MLLT10: variants seen among roughly 807,000 people sequenced by gnomAD.
MLLT10 encodes the protein protein AF-10.
Under a neutral mutation model 129.1 loss-of-function variants are expected in MLLT10, and 30 were observed. The ratio of observed to expected loss-of-function variants is 0.23; its 90% CI spans 0.17 to 0.32. The LOEUF (loss-of-function observed/expected upper bound fraction) is 0.32. MLLT10 is among the 10% of genes least tolerant of loss of function. The pLI is 1.00. For synonymous variants in MLLT10, 490 were observed against 446.4 expected (o/e 1.10, Z -1.23); for missense variants, 1,119 against 1,268.3 (o/e 0.88, Z 1.79).
chr10:21,702,632 T>G (rs1047668748), intron 13 of MLLT10, among the ~76,000 whole-genome samples: 3 of 152,240 alleles, frequency 2.0e-5, no homozygotes. Context: ...ATATTTAGAA[T>G]TGTTATATCC....
chr10:21,545,676 G>A (rs1389627259), intron 3 of MLLT10, among the ~76,000 whole-genome samples: 1 of 152,180 alleles, frequency 6.6e-6, no homozygotes, highest in African/African-American at 2.4e-5. Context: ...ATTTTTGTAT[G>A]TATGTATTTA....
intron 3 of MLLT10, among the ~76,000 whole-genome samples, chr10:21,561,919 C>T (rs1240644923): frequency 1.3e-5 from 2 of 151,454 alleles, no homozygotes; most frequent in East Asian, 3.9e-4. Flanking sequence ...AATTCTCCTG[C>T]CTCAGCCTCC....
At chr10:21,607,612 C>T (rs1163277871) in intron 5 of MLLT10, among the ~76,000 whole-genome samples, 2 of 152,188 alleles carry the variant, frequency 1.3e-5, no homozygotes, top group Non-Finnish European at 2.9e-5. Flanking sequence ...TGAGCCACCC[C>T]TGGCTAGGTG....
At chr10:21,717,057 G>A (rs576169549) in intron 14 of MLLT10, among the ~76,000 whole-genome samples, 187 of 151,906 alleles carry the variant, frequency 1.2e-3, no homozygotes, top group Non-Finnish European at 1.9e-3. Context: ...AGGAGTTCGA[G>A]ACCAGCCTCA....
intron 2 of MLLT10, among the ~76,000 whole-genome samples, chr10:21,536,223 C>T (rs1323809012): frequency 6.6e-6 from 1 of 152,150 alleles, no homozygotes; most frequent in Non-Finnish European, 1.5e-5. Context: ...TTACCGGCGT[C>T]AGCCACTGCG....
At chr10:21,567,607 A>G (rs572253702) in intron 3 of MLLT10, among the ~76,000 whole-genome samples, 1 of 152,130 alleles carries the variant, frequency 6.6e-6, no homozygotes, top group Non-Finnish European at 1.5e-5. Context: ...TTTCTCTGAC[A>G]CTACCTGGTG....
At position 21,743,014 on chromosome 10, in the gene MLLT10, T is replaced by C. The variant is rs1446121502; in HGVS notation, c.*1031T>C. On this transcript the variant is annotated 3_prime_UTR_variant, in exon 23 of 23. Transcript: ENST00000307729. ...TAGAGATTTGTTTTATTTAAACCAC[T>C]TCCCATTACTGACCATTAAAAGCTC... 3 of 230,018 alleles carry C rather than the reference T, an allele frequency of 1.3e-5. No individual in the cohort carries two copies. In the East Asian group the frequency reaches 1.9e-4, roughly 14 times the overall value. 14.2% of individuals were successfully genotyped at this position (230,018 alleles called of 1,614,324 possible). A position where few individuals can be genotyped will look rare whatever the true frequency, so the allele number is the denominator to read the frequency against.
chr10:21,703,298 T>C (rs540003436), intron 13 of MLLT10, among the ~76,000 whole-genome samples: 116 of 152,168 alleles, frequency 7.6e-4, no homozygotes, highest in Non-Finnish European at 1.4e-3. Flanking sequence ...TTTTTTTTTT[T>C]TCCTTTCAGC....
rs2057646965 is a variant in MLLT10, at chr10:21,727,889, T to C, written c.2024T>C (p.Val675Ala). ...CTTGGAGACAATAGCCGCAACCTAG[T>C]TGGCAGAGGAAGCTCACCCCGAGGA... The part of the protein sequence containing the change: ...QDLGDNSRNL[V>A]GRGSSPRGSL... Residue 675 changes from valine (V) to alanine (A), a missense_variant, in exon 16 of 23, where the codon GTT (valine) becomes GCT (alanine). Physicochemically the swap from Val to Ala is moderately conservative, Grantham distance 64 (BLOSUM62 0). This residue lies in a region of MLLT10 where 1,004 missense variants were observed against 1,008.7 expected (regional missense o/e 1.00). Coordinates refer to ENST00000307729, the MANE Select transcript of MLLT10 (RefSeq NM_001195626.3). 2 of 1,613,966 alleles carry C rather than the reference T, an allele frequency of 1.2e-6. No individual in the cohort carries two copies. Among genetic ancestry groups the C allele is most frequent in the Non-Finnish European group, 1.7e-6 (2 of 1,179,998 alleles).
In MLLT10 at chr10:21,595,445, A is replaced by G. The variant is rs1381322459; in HGVS notation, c.405+5A>G. The G allele has an allele frequency of 2.5e-6, 4 of 1,597,066 alleles. No individual in the cohort carries two copies. The highest frequency in any genetic ancestry group is 1.1e-5 in the South Asian group (1 of 89,656). On this transcript the variant is annotated splice_donor_5th_base_variant and intron_variant, in intron 5 of 22. Coordinates refer to ENST00000307729, the MANE Select transcript of MLLT10 (RefSeq NM_001195626.3). ...CCGCATGATCGTTATAATAAGGTAC[A>G]GTGGATATTATTTTATTACTGTTTG...
At chr10:21,685,610 G>A (rs1056610133) in intron 13 of MLLT10, among the ~76,000 whole-genome samples, 5 of 152,152 alleles carry the variant, frequency 3.3e-5, no homozygotes, top group Admixed American at 1.3e-4. Flanking sequence ...CTAAAGTGCT[G>A]GGATTACAGG....
intron 11 of MLLT10, among the ~76,000 whole-genome samples, chr10:21,675,369 G>C (rs2051982474): frequency 6.6e-6 from 1 of 152,158 alleles, no homozygotes; most frequent in Admixed American, 6.5e-5. Flanking sequence ...TACAGGCCAA[G>C]AGCATCATCA....
intron 3 of MLLT10, among the ~76,000 whole-genome samples, chr10:21,551,076 G>A (rs1233240797): frequency 6.6e-6 from 1 of 151,466 alleles, no homozygotes; most frequent in Non-Finnish European, 1.5e-5. Context: ...ACAGGCACGC[G>A]CCACCACGCC....
At chr10:21,674,640 G>T (rs2051882694) in intron 11 of MLLT10, among the ~76,000 whole-genome samples, 1 of 152,118 alleles carries the variant, frequency 6.6e-6, no homozygotes, top group African/African-American at 2.4e-5. Context: ...AAAATGCAAT[G>T]CATGTTTTTA....
intron 8 of MLLT10, among the ~76,000 whole-genome samples, chr10:21,621,016 G>C (rs1369313911): frequency 5.3e-5 from 8 of 150,648 alleles, no homozygotes; most frequent in Admixed American, 2.0e-4. Context: ...ACGGAGTCTT[G>C]CTCTGTTGCC....
chr10:21,732,965 A>G lies in MLLT10; in HGVS notation c.2285A>G (p.Lys762Arg), dbSNP rs757866234. 1 of 1,614,074 alleles carries G rather than the reference A, an allele frequency of 6.2e-7. No homozygotes were observed. ...VENRRLEEQIKNLTAKKERLQ... is the reference protein window; with the variant it reads ...VENRRLEEQIRNLTAKKERLQ... Reference sequence around the variant, plus strand: ...AACCGAAGATTAGAGGAACAAATTAAAAACTTGACTGCCAAAAAGGAACGG... The same window carrying G: ...AACCGAAGATTAGAGGAACAAATTAGAAACTTGACTGCCAAAAAGGAACGG... The change falls in exon 18 of 23, where the codon AAA becomes AGA. Residue 762 changes from lysine to arginine, a missense_variant. Lys to Arg is a conservative substitution (Grantham distance 26, BLOSUM62 2). This residue lies in a region of MLLT10 where 1,004 missense variants were observed against 1,008.7 expected (regional missense o/e 1.00). Transcript: ENST00000307729.
intron 9 of MLLT10, among the ~76,000 whole-genome samples, chr10:21,669,320 T>C (rs1263951943): frequency 6.6e-6 from 1 of 152,192 alleles, no homozygotes; most frequent in East Asian, 1.9e-4. Flanking sequence ...TCTTCTCTTA[T>C]TCCTCTTTTT....
intron 3 of MLLT10, among the ~76,000 whole-genome samples, chr10:21,549,835 C>T (rs981673670): frequency 1.3e-5 from 2 of 151,884 alleles, no homozygotes; most frequent in African/African-American, 4.8e-5. Context: ...AATGGGGTTT[C>T]GCCATGTCGG....
rs11012736 is a variant in MLLT10 at position 21,560,291 on chromosome 10, G to A, written c.240+21379G>A. On this transcript the variant is annotated intron_variant, in intron 3 of 22. Coordinates refer to ENST00000307729, the MANE Select transcript of MLLT10 (RefSeq NM_001195626.3). ...AAAGTGCTGGGATTTGAGCCACCACGCCTGGCCTGTTTGGCCTTTTGAGGA... is the reference window on the plus strand; with the variant it reads ...AAAGTGCTGGGATTTGAGCCACCACACCTGGCCTGTTTGGCCTTTTGAGGA... Among the ~76,000 whole-genome samples the A allele has an allele frequency of 1.5e-3, 231 of 152,246 alleles. 1 individual carries two copies. The highest frequency in any genetic ancestry group is 2.6e-3 in the Non-Finnish European group (178 of 68,016).
Sources: gnomAD v4.1 joint callset for allele counts (sites outside exome capture counted in the v4.1 genomes callset) on GRCh38, gnomAD v4.1.1 for gene constraint, gnomAD v4.1.1 regional missense constraint, MANE v1.5 for transcripts, NCBI Gene and HGNC (gene_info 2026-07-23, HGNC 2026-07-21) for gene names.